Variants in XNDC1N observed in about 807,000 individuals in gnomAD.
XNDC1N encodes the protein protein XNDC1N.
chr11:71,897,405 A>G, the XNDC1N span, among the ~76,000 whole-genome samples: 1 of 152,230 alleles, frequency 6.6e-6, no homozygotes, highest in South Asian at 2.1e-4. Flanking sequence ...GCATCCCATC[A>G]ACAATGGTCA....
At chr11:71,915,345 G>A in the XNDC1N span, among the ~76,000 whole-genome samples, 1 of 152,102 alleles carries the variant, frequency 6.6e-6, no homozygotes, top group South Asian at 2.1e-4. Context: ...CTATTCGGGA[G>A]GCTGAGGCAG....
At chr11:71,890,202 G>A in the XNDC1N span, among the ~76,000 whole-genome samples, 2 of 152,220 alleles carry the variant, frequency 1.3e-5, no homozygotes, top group South Asian at 2.1e-4. Flanking sequence ...CCCCGGCCCC[G>A]GATATTAGAG....
chr11:71,899,062 CTCT>C, the XNDC1N span, among the ~76,000 whole-genome samples: 66 of 152,222 alleles, frequency 4.3e-4, no homozygotes, highest in African/African-American at 1.1e-3. Flanking sequence ...ACTCACTTTT[CTCT>C]TCTTCTTCTT....
chr11:71,896,446 A>T, the XNDC1N span, among the ~76,000 whole-genome samples: 6 of 152,240 alleles, frequency 3.9e-5, no homozygotes, highest in African/African-American at 1.2e-4. Context: ...ACAGTATGAA[A>T]ATTTTAGTTC....
the XNDC1N span, among the ~76,000 whole-genome samples, chr11:71,920,393 C>G: frequency 6.6e-6 from 1 of 151,988 alleles, no homozygotes; most frequent in East Asian, 1.9e-4. Context: ...CTGCAACCTC[C>G]GCCTCCCGGG....
At chr11:71,910,672 G>A in the XNDC1N span, among the ~76,000 whole-genome samples, 24 of 152,182 alleles carry the variant, frequency 1.6e-4, no homozygotes, top group African/African-American at 4.6e-4. Flanking sequence ...CAGCAGGTAC[G>A]TTACCTGGGA....
the XNDC1N span, among the ~76,000 whole-genome samples, chr11:71,897,103 CA>C: frequency 6.6e-6 from 1 of 152,148 alleles, no homozygotes; most frequent in Non-Finnish European, 1.5e-5. Flanking sequence ...GACCTCACCC[CA>C]AGCGCTAAAA....
At chr11:71,923,716 C>A in the XNDC1N span, among the ~76,000 whole-genome samples, 2 of 152,034 alleles carry the variant, frequency 1.3e-5, no homozygotes, top group Non-Finnish European at 2.9e-5. Flanking sequence ...CCACCACGCC[C>A]GGCTAATTTT....
At chr11:71,878,249 G>T in the XNDC1N span, among the ~76,000 whole-genome samples, 4 of 152,190 alleles carry the variant, frequency 2.6e-5, no homozygotes, top group Non-Finnish European at 4.4e-5. Flanking sequence ...GTTGACCTTT[G>T]ATAAATGTAC....
the XNDC1N span, among the ~76,000 whole-genome samples, chr11:71,921,296 G>C: frequency 6.6e-6 from 1 of 152,128 alleles, no homozygotes; most frequent in Non-Finnish European, 1.5e-5. Flanking sequence ...GGGACTACAG[G>C]TGCGTGCCAC....
At chr11:71,879,005 AT>A in the XNDC1N span, among the ~76,000 whole-genome samples, 3 of 152,182 alleles carry the variant, frequency 2.0e-5, no homozygotes, top group Non-Finnish European at 4.4e-5. Flanking sequence ...GTCTCAAAAA[AT>A]AATCATAAAA....
chr11:71,878,348 T>C, the XNDC1N span: 1 of 1,243,770 alleles, frequency 8.0e-7, no homozygotes, highest in Non-Finnish European at 1.1e-6. Context: ...TCCTGAAAGG[T>C]TCAATAATCA....
At chr11:71,916,591 TAC>T in the XNDC1N span, 1 of 238,418 alleles carries the variant, frequency 4.2e-6, no homozygotes, top group South Asian at 7.5e-5. Flanking sequence ...CCCAGTGGAT[TAC>T]CTGAGATATA....
chr11:71,883,782 C>T, the XNDC1N span, among the ~76,000 whole-genome samples: 1 of 152,134 alleles, frequency 6.6e-6, no homozygotes, highest in Admixed American at 6.5e-5. Context: ...GGCTCCTGTC[C>T]ATATCTCAGT....
chr11:71,908,285 A>G, the XNDC1N span, among the ~76,000 whole-genome samples: 1 of 151,882 alleles, frequency 6.6e-6, no homozygotes, highest in African/African-American at 2.4e-5. Flanking sequence ...TTTCTAATGA[A>G]TAAGATCAAT....
the XNDC1N span, among the ~76,000 whole-genome samples, chr11:71,871,907 T>A: frequency 6.6e-6 from 1 of 152,210 alleles, no homozygotes; most frequent in Non-Finnish European, 1.5e-5. Flanking sequence ...TTTACAATGC[T>A]GATGGAAATA....
the XNDC1N span, among the ~76,000 whole-genome samples, chr11:71,867,764 T>C: frequency 3.3e-5 from 5 of 152,230 alleles, no homozygotes; most frequent in Admixed American, 6.5e-5. Context: ...ATGTGTATTC[T>C]GTTGTTGGGT....
chr11:71,878,500 A>G, the XNDC1N span: 4 of 1,611,222 alleles, frequency 2.5e-6, no homozygotes, highest in African/African-American at 5.3e-5. Flanking sequence ...TGATGTCCAC[A>G]GTTCCTCCAA....
the XNDC1N span, among the ~76,000 whole-genome samples, chr11:71,903,035 A>G: frequency 2.6e-5 from 4 of 152,244 alleles, no homozygotes; most frequent in African/African-American, 9.6e-5. Flanking sequence ...TGTCAGAACT[A>G]CAAAATATTG....
Sources: allele counts gnomAD v4.1 joint callset (sites outside exome capture counted in the v4.1 genomes callset), GRCh38; gene constraint gnomAD v4.1.1; transcripts MANE v1.5; gene names NCBI Gene and HGNC (gene_info 2026-07-23, HGNC 2026-07-21).